The following DIS3L2 variants were observed in gnomAD, a reference collection of about 807,000 sequenced individuals.
DIS3L2 encodes the protein DIS3 like 3'-5' exoribonuclease 2.
DIS3L2 carries 34 observed loss-of-function variants against 97.5 expected under a neutral mutation model. The observed-to-expected ratio is 0.35, with a 90% CI of 0.27 to 0.46. DIS3L2 has a LOEUF of 0.46. Ranked by LOEUF, DIS3L2 falls within the 20% of genes least tolerant of loss-of-function variation. The pLI is 1.00. For missense variants in DIS3L2, 1,038 were observed against 1,146.0 expected (o/e 0.91, Z 1.36); for synonymous variants, 435 against 445.2 (o/e 0.98, Z 0.29).
intron 10 of DIS3L2, among the ~76,000 whole-genome samples, chr2:232,220,173 G>A (rs1282979358): frequency 6.6e-6 from 1 of 151,778 alleles, no homozygotes; most frequent in Non-Finnish European, 1.5e-5. Context: ...GCTGGGCATA[G>A]TGATGTGCGT....
At chr2:232,136,065 T>C (rs1207493079) in intron 7 of DIS3L2, among the ~76,000 whole-genome samples, 1 of 152,212 alleles carries the variant, frequency 6.6e-6, no homozygotes, top group Non-Finnish European at 1.5e-5. Context: ...AAGTAATTTA[T>C]GTCTGATAAC....
At chr2:232,329,788 C>CGGGGGCGG in intron 14 of DIS3L2, 25 bp from the exon 15 acceptor site, 1 of 1,080,634 alleles carries the variant, frequency 9.3e-7, no homozygotes, top group Non-Finnish European at 1.3e-6. Flanking sequence ...CCAGCGGTCC[C>CGGGGGCGG]TCCCATCCCA....
chr2:232,130,061 G>A (rs1698174889), intron 6 of DIS3L2, among the ~76,000 whole-genome samples: 1 of 152,142 alleles, frequency 6.6e-6, no homozygotes, highest in South Asian at 2.1e-4. Context: ...AACATTAAAA[G>A]ACTTTAAGTA....
At chr2:232,331,885 G>C (rs1350271299) in intron 16 of DIS3L2, 1 of 152,324 alleles carries the variant, frequency 6.6e-6, no homozygotes, top group Non-Finnish European at 1.5e-5. Context: ...AGGGAGCTCA[G>C]AGGTGCCCTT....
intron 6 of DIS3L2, among the ~76,000 whole-genome samples, chr2:232,105,206 T>C (rs1474659430): frequency 1.3e-5 from 2 of 152,230 alleles, no homozygotes; most frequent in East Asian, 1.9e-4. Flanking sequence ...GAAATGAACA[T>C]TGGTGTACAA....
At chr2:232,145,766 T>C (rs148702337) in intron 8 of DIS3L2, among the ~76,000 whole-genome samples, 14 of 152,328 alleles carry the variant, frequency 9.2e-5, no homozygotes, top group Non-Finnish European at 1.9e-4. Context: ...CAAGGAAGAA[T>C]AGTATGCCTC....
chr2:232,337,289 G>A (rs1430844378), downstream of DIS3L2: 35 of 750,196 alleles, frequency 4.7e-5, no homozygotes, highest in South Asian at 6.0e-5. Flanking sequence ...CACCAGCTCC[G>A]CAGGGCCTGG....
chr2:232,167,450 A>G (rs1288750508), intron 9 of DIS3L2, among the ~76,000 whole-genome samples: 1 of 152,224 alleles, frequency 6.6e-6, no homozygotes, highest in Admixed American at 6.5e-5. Flanking sequence ...TACTTTAACA[A>G]CTAATAATAT....
At chr2:232,271,013 A>G (rs1273808178) in intron 13 of DIS3L2, among the ~76,000 whole-genome samples, 2 of 151,622 alleles carry the variant, frequency 1.3e-5, no homozygotes, top group African/African-American at 2.4e-5. Context: ...CATCTTTCAT[A>G]TTTTATTTTC....
chr2:231,970,722 C>A (rs1692880424), intron 1 of DIS3L2, among the ~76,000 whole-genome samples: 1 of 152,146 alleles, frequency 6.6e-6, no homozygotes, highest in African/African-American at 2.4e-5. Context: ...AAACACAGTA[C>A]ACTTAAGCTA....
At chr2:232,015,461 TA>T in intron 2 of DIS3L2, 52 bp from the exon 3 acceptor site, 2 of 1,583,650 alleles carry the variant, frequency 1.3e-6, no homozygotes, top group Non-Finnish European at 1.7e-6. Context: ...TCTCCAGTTT[TA>T]AAAATACACA....
At position 232,333,836 on chromosome 2, in the gene DIS3L2, G is replaced by T. The variant is rs767597086; in HGVS notation, c.2011-4G>T. 5.9e-5 allele frequency: 95 copies of T among 1,607,916 alleles called. No individual in the cohort carries two copies. Among genetic ancestry groups the T allele is most frequent in the Non-Finnish European group, 8.0e-5 (94 of 1,177,638 alleles). On this transcript the variant is annotated splice_region_variant and splice_polypyrimidine_tract_variant and intron_variant, in intron 16 of 20. Transcript: ENST00000325385. ...GTCAGGCTCTGACCCATCCCGTCCC[G>T]CAGATGGCACTGTACTTCTGCTCGG...
chr2:232,007,370 C>T (rs921976669), intron 1 of DIS3L2, among the ~76,000 whole-genome samples: 4 of 152,132 alleles, frequency 2.6e-5, no homozygotes, highest in African/African-American at 9.7e-5. Context: ...GATACTTCCG[C>T]TCTCAGTTAT....
rs1245499393 is a variant in DIS3L2, at chr2:232,325,557, G to A, written c.1740-4256G>A. Among the ~76,000 whole-genome samples, 2 of 152,234 alleles carry A rather than the reference G, an allele frequency of 1.3e-5. No individual in the cohort carries two copies. Among genetic ancestry groups the A allele is most frequent in the South Asian group, 2.1e-4 (1 of 4,824 alleles). ...AGGAGAGGTGCTGGGAGTGAGTGCC[G>A]AGGAGCTGGGGTCCTGGCCCTGCAG... On this transcript the variant is annotated intron_variant, in intron 14 of 20. Transcript: ENST00000325385. The surrounding 1 kb of genome is among the most constrained non-coding windows in gnomAD (Gnocchi z 4.6).
chr2:232,171,187 G>A (rs1690979060), intron 9 of DIS3L2, among the ~76,000 whole-genome samples: 2 of 152,106 alleles, frequency 1.3e-5, no homozygotes, highest in Admixed American at 6.6e-5. Context: ...GACCAGATTA[G>A]GATTTTTCAA....
At chr2:232,336,028 C>T (rs950564779) in intron 20 of DIS3L2, 154 bp downstream of exon 20, 1 of 1,523,134 alleles carries the variant, frequency 6.6e-7, no homozygotes, top group African/African-American at 1.4e-5. Context: ...TCACCCAGAC[C>T]CCCTCCTGTG....
chr2:231,978,418 T>G (rs541642630), intron 1 of DIS3L2: 1 of 152,376 alleles, frequency 6.6e-6, no homozygotes, highest in South Asian at 2.1e-4. Flanking sequence ...TATTTTTATG[T>G]GATTTGCTTT....
chr2:231,970,894 C>CT (rs1209018984), intron 1 of DIS3L2, among the ~76,000 whole-genome samples: 2 of 152,114 alleles, frequency 1.3e-5, no homozygotes, highest in Non-Finnish European at 2.9e-5. Context: ...CAAAAATACT[C>CT]TATGTCCTTA....
At chr2:232,157,216 C>G (rs1027202824) in intron 8 of DIS3L2, among the ~76,000 whole-genome samples, 2 of 152,168 alleles carry the variant, frequency 1.3e-5, no homozygotes, top group African/African-American at 4.8e-5. Flanking sequence ...TAAAACCTTT[C>G]AACTGTAGAG....
Sources: gnomAD v4.1 joint callset for allele counts (sites outside exome capture counted in the v4.1 genomes callset) on GRCh38, gnomAD v4.1.1 for gene constraint, Gnocchi (gnomAD v3.1) non-coding constraint, MANE v1.5 for transcripts, NCBI Gene and HGNC (gene_info 2026-07-23, HGNC 2026-07-21) for gene names.